The following MYO5B variants were observed in gnomAD, a reference collection of about 807,000 sequenced individuals.
MYO5B encodes myosin VB, also known as unconventional myosin-Vb.
MYO5B carries 143 observed loss-of-function variants against 229.3 expected under a neutral mutation model. That is an observed-to-expected ratio of 0.62 (90% CI 0.54 to 0.72). MYO5B has a LOEUF of 0.72. MYO5B is among the 30% of genes least tolerant of loss of function. The probability of loss-of-function intolerance (pLI) is 0.00; values close to 1 mark genes in which losing one functional copy is unlikely to be tolerated. For synonymous variants in MYO5B, 918 were observed against 885.2 expected, an observed-to-expected ratio of 1.04 and a Z score of -0.66; for missense variants, 2,321 against 2,331.0, an observed-to-expected ratio of 1.00 and a Z score of 0.09.
At chr18:49,842,757 C>A (rs1230888072) in intron 34 of MYO5B, among the ~76,000 whole-genome samples, 1 of 152,206 alleles carries the variant, frequency 6.6e-6, no homozygotes, top group East Asian at 1.9e-4. Context: ...CTGTCCTGGC[C>A]CAGGTTGCCT....
At chr18:50,186,018 T>C (rs1209221218) in intron 1 of MYO5B, among the ~76,000 whole-genome samples, 1 of 152,254 alleles carries the variant, frequency 6.6e-6, no homozygotes, top group Non-Finnish European at 1.5e-5. Context: ...CTTTAAATTT[T>C]CTAATAACCA....
At chr18:50,084,958 A>G (rs971309856) in intron 1 of MYO5B, among the ~76,000 whole-genome samples, 5 of 152,136 alleles carry the variant, frequency 3.3e-5, no homozygotes, top group African/African-American at 1.2e-4. Context: ...AACCATAAAA[A>G]CCCTAGAAGA....
intron 5 of MYO5B, among the ~76,000 whole-genome samples, chr18:49,996,044 G>A (rs545024280): frequency 8.5e-5 from 13 of 152,182 alleles, no homozygotes; most frequent in Non-Finnish European, 1.9e-4. Flanking sequence ...CAACAGATAA[G>A]TTTCAATTTC....
intron 1 of MYO5B, among the ~76,000 whole-genome samples, chr18:50,096,926 C>A (rs2031563366): frequency 6.6e-6 from 1 of 152,166 alleles, no homozygotes. Context: ...CGGGAGACAA[C>A]ACCTGGGCCA....
chr18:49,929,507 G>T lies in MYO5B; in HGVS notation c.2090+5C>A, dbSNP rs1449281559. 1.2e-6 allele frequency: 2 copies of T among 1,603,792 alleles called. No individual in the cohort carries two copies. Among genetic ancestry groups the T allele is most frequent in the Non-Finnish European group, 8.5e-7 (1 of 1,176,116 alleles). On this transcript the variant is annotated splice_donor_5th_base_variant and intron_variant, in intron 17 of 39. Coordinates refer to ENST00000285039, the MANE Select transcript of MYO5B (RefSeq NM_001080467.3). Reference sequence around the variant, plus strand: ...CAGGAGGCAGCTGGCGGGCACGTTAGTTACCTGGATGGGTAGCCAGCTGCA... The same window carrying T: ...CAGGAGGCAGCTGGCGGGCACGTTATTTACCTGGATGGGTAGCCAGCTGCA...
intron 17 of MYO5B, among the ~76,000 whole-genome samples, chr18:49,917,882 G>T (rs945967237): frequency 6.6e-5 from 10 of 152,148 alleles, no homozygotes; most frequent in African/African-American, 1.9e-4. Context: ...GCCCTGACAG[G>T]GTCAAGGAGT....
chr18:50,011,602 T>C (rs1039466655), intron 4 of MYO5B, among the ~76,000 whole-genome samples: 1 of 152,064 alleles, frequency 6.6e-6, no homozygotes, highest in Admixed American at 6.5e-5. Flanking sequence ...GCAGGGAATC[T>C]GGGAACTGCC....
chr18:50,122,113 G>A (rs558788526), intron 1 of MYO5B, among the ~76,000 whole-genome samples: 1 of 152,274 alleles, frequency 6.6e-6, no homozygotes, highest in African/African-American at 2.4e-5. Flanking sequence ...GGAAAAAGCA[G>A]GGTGCTGTGA....
chr18:49,906,267 C>A, intron 19 of MYO5B, 152 bp downstream of exon 19: 1 of 743,966 alleles, frequency 1.3e-6, no homozygotes, highest in Non-Finnish European at 2.3e-6. Flanking sequence ...TAGGGATAGG[C>A]CCAGCTGCCG....
rs2031734508 is a variant in MYO5B, at chr18:50,105,233, A to AATC, written c.28-49856_28-49855insGAT. 1.0e-4 allele frequency among the ~76,000 whole-genome samples: 15 copies of AATC among 146,286 alleles called. 1 individual carries two copies. The highest frequency in any genetic ancestry group is 9.5e-4 in the Admixed American group (14 of 14,774). The stretch of plus-strand genomic sequence containing the variant: ...TAAATAAATAAATAAATAAATAAAT[A>AATC]AATAAATAAATAAATAAAAAATAGA... On this transcript the variant is annotated intron_variant, in intron 1 of 39. Coordinates refer to ENST00000285039, the MANE Select transcript of MYO5B (RefSeq NM_001080467.3).
At chr18:50,087,882 G>A (rs1050111147) in intron 1 of MYO5B, among the ~76,000 whole-genome samples, 6 of 152,266 alleles carry the variant, frequency 3.9e-5, no homozygotes, top group African/African-American at 9.6e-5. Flanking sequence ...ATGCTAACGG[G>A]GAAGCACAGT....
At chr18:49,871,217 C>T (rs907973935) in intron 27 of MYO5B, among the ~76,000 whole-genome samples, 3 of 152,218 alleles carry the variant, frequency 2.0e-5, no homozygotes, top group Non-Finnish European at 2.9e-5. Flanking sequence ...ACATGAGGAA[C>T]CTAGAATTGT....
At position 49,936,339 on chromosome 18, in the gene MYO5B, G is replaced by C; in HGVS notation, c.1916C>G (p.Ser639Cys). The C allele has an allele frequency of 1.3e-6, 2 of 1,596,636 alleles. No individual in the cohort carries two copies. Among genetic ancestry groups the C allele is most frequent in the South Asian group, 1.1e-5 (1 of 88,408 alleles). Residue 639 changes from serine to cysteine, a missense_variant, in exon 16 of 40, where the codon TCC becomes TGC. This residue lies in a region of MYO5B where 2,113 missense variants were observed against 2,044.7 expected (regional missense o/e 1.03). Coordinates refer to ENST00000285039, the MANE Select transcript of MYO5B (RefSeq NM_001080467.3). ...KKTVGHQFRT[S>C]LHLLMETLNA... ...CAGGGTCTCCATGAGCAGATGCAGGGAGGTACGGAACTAGAGAGACAAAAG... is the reference window on the plus strand; with the variant it reads ...CAGGGTCTCCATGAGCAGATGCAGGCAGGTACGGAACTAGAGAGACAAAAG...
At chr18:49,878,808 C>T (rs781277202) in intron 24 of MYO5B, 137 bp downstream of exon 24, 31 of 1,067,548 alleles carry the variant, frequency 2.9e-5, no homozygotes, top group Non-Finnish European at 4.2e-5. Flanking sequence ...TGCCTCTCTG[C>T]AGTAATGGCA....
rs553029635 is a variant in MYO5B at position 50,033,921 on chromosome 18, G to A, written c.455+2929C>T. ...TCTCTCCTGGAACTCTTGGGGGGTG[G>A]GTATGGGGGGGAATAAAGATCTATA... On this transcript the variant is annotated intron_variant, in intron 4 of 39. Coordinates refer to ENST00000285039, the MANE Select transcript of MYO5B (RefSeq NM_001080467.3). Among the ~76,000 whole-genome samples the A allele has an allele frequency of 4.0e-5, 6 of 151,276 alleles. No homozygotes were observed. The South Asian group carries it at 6.4e-4, about 16-fold the overall frequency.
At chr18:50,184,571 T>C (rs1184580113) in intron 1 of MYO5B, among the ~76,000 whole-genome samples, 3 of 152,126 alleles carry the variant, frequency 2.0e-5, no homozygotes, top group Non-Finnish European at 2.9e-5. Context: ...TAACATGTAG[T>C]GCTGAGAAGT....
intron 22 of MYO5B, among the ~76,000 whole-genome samples, chr18:49,888,165 C>A (rs561145845): frequency 1.3e-5 from 2 of 152,100 alleles, no homozygotes; most frequent in Admixed American, 6.5e-5. Flanking sequence ...CTGGGCTGGA[C>A]AATTCTTTCT....
chr18:49,899,705 C>T lies in MYO5B; in HGVS notation c.2811+2889G>A, dbSNP rs562224336. ...ATGGGAATAATATTAATGTTTATCT[C>T]CTAGGGTTCTGGTGGGGATTAAATG... On this transcript the variant is annotated intron_variant, in intron 21 of 39. Coordinates refer to ENST00000285039, the MANE Select transcript of MYO5B (RefSeq NM_001080467.3). Among the ~76,000 whole-genome samples the T allele has an allele frequency of 1.3e-4, 20 of 152,312 alleles. No individual in the cohort carries two copies. In the South Asian group the frequency reaches 3.7e-3, roughly 28 times the overall value.
intron 1 of MYO5B, among the ~76,000 whole-genome samples, chr18:50,183,079 A>T (rs2033095636): frequency 6.6e-6 from 1 of 152,036 alleles, no homozygotes; most frequent in Admixed American, 6.5e-5. Context: ...TTGATTTGGC[A>T]TTGCATCTTT....
Sources: gnomAD v4.1 joint callset for allele counts (sites outside exome capture counted in the v4.1 genomes callset) on GRCh38, gnomAD v4.1.1 for gene constraint, gnomAD v4.1.1 regional missense constraint, MANE v1.5 for transcripts, NCBI Gene and HGNC (gene_info 2026-07-23, HGNC 2026-07-21) for gene names.